Variants in USP34 observed in about 807,000 individuals in gnomAD.
The protein encoded by USP34 is ubiquitin specific peptidase 34, also known as ubiquitin carboxyl-terminal hydrolase 34.
Under a neutral mutation model 460.3 loss-of-function variants are expected in USP34, and 70 were observed. The ratio of observed to expected loss-of-function variants is 0.15; its 90% CI spans 0.13 to 0.19. USP34 has a LOEUF of 0.19. Ranked by LOEUF, USP34 falls within the 10% of genes least tolerant of loss-of-function variation. USP34 has a pLI of 1.00. For missense variants in USP34, 3,985 were observed against 4,236.2 expected (o/e 0.94, Z 1.65); for synonymous variants, 1,647 against 1,405.3 (o/e 1.17, Z -3.85).
At chr2:61,332,281 A>C (rs1043406900) in intron 19 of USP34, among the ~76,000 whole-genome samples, 3 of 152,070 alleles carry the variant, frequency 2.0e-5, no homozygotes, top group Non-Finnish European at 4.4e-5. Flanking sequence ...GCTGCTATAC[A>C]TACTAGACTC....
In USP34 at chr2:61,470,972, G is replaced by GGAGGGGA. The variant is rs1695944242; in HGVS notation, c.-287_-281dup. Among the ~76,000 whole-genome samples the GGAGGGGA allele has an allele frequency of 7.2e-6, 1 of 138,794 alleles. No individual in the cohort carries two copies. The highest frequency in any genetic ancestry group is 2.4e-4 in the East Asian group (1 of 4,240). The allele number at this position is 138,794 out of a possible 152,430, so 91.1% of individuals were successfully genotyped here. A position where few individuals can be genotyped will look rare whatever the true frequency, so the allele number is the denominator to read the frequency against. On this transcript the variant is annotated 5_prime_UTR_variant, in exon 1 of 80. Transcript: ENST00000398571. The stretch of plus-strand genomic sequence containing the variant: ...GCGGGGAAGGGGGGGAAGGACGGGG[G>GGAGGGGA]GAGGGGAGAGGGGGGGAGGGGGCGG...
chr2:61,193,259 A>G, intron 75 of USP34: 1 of 223,150 alleles, frequency 4.5e-6, no homozygotes, highest in Non-Finnish European at 8.7e-6. Flanking sequence ...GGGAAAAGAA[A>G]AAGTTACTGC....
chr2:61,359,192 A>G (rs1412603829), intron 10 of USP34, among the ~76,000 whole-genome samples: 2 of 152,222 alleles, frequency 1.3e-5, no homozygotes, highest in East Asian at 3.8e-4. Flanking sequence ...AAGAAAAAAC[A>G]AAAAGCAACA....
intron 20 of USP34, among the ~76,000 whole-genome samples, chr2:61,330,029 C>T (rs778160): frequency 0.72 from 109,346 of 151,972 alleles, 39,993 homozygotes; most frequent in African/African-American, 0.85. Context: ...GTAGTGTTTG[C>T]GGAAATGTCA....
chr2:61,434,108 C>T (rs982152977), intron 1 of USP34, among the ~76,000 whole-genome samples: 12 of 152,188 alleles, frequency 7.9e-5, no homozygotes, highest in Admixed American at 6.5e-5. Flanking sequence ...GCATGTGATA[C>T]ACCCCAAGGT....
chr2:61,295,595 A>G (rs1245250797), intron 30 of USP34, among the ~76,000 whole-genome samples: 2 of 152,268 alleles, frequency 1.3e-5, no homozygotes, highest in African/African-American at 4.8e-5. Context: ...TGAGTGGGTA[A>G]ACTTCTAAAG....
chr2:61,342,815 A>G (rs1489126044), intron 16 of USP34, among the ~76,000 whole-genome samples: 1 of 152,192 alleles, frequency 6.6e-6, no homozygotes, highest in Non-Finnish European at 1.5e-5. Flanking sequence ...CATTTTGTTC[A>G]ATTTCTAACT....
At chr2:61,444,165 G>A (rs1006467014) in intron 1 of USP34, among the ~76,000 whole-genome samples, 3 of 152,052 alleles carry the variant, frequency 2.0e-5, no homozygotes, top group African/African-American at 7.2e-5. Flanking sequence ...TGAGGTGGGA[G>A]GATCACTTGG....
intron 8 of USP34, among the ~76,000 whole-genome samples, chr2:61,373,016 A>C (rs1236075521): frequency 6.6e-6 from 1 of 152,208 alleles, no homozygotes; most frequent in Non-Finnish European, 1.5e-5. Flanking sequence ...ACACAAGGGA[A>C]CCAGAATAAG....
At position 61,319,321 on chromosome 2, in the gene USP34, C is replaced by G. The variant is rs753539063; in HGVS notation, c.3020G>C (p.Ser1007Thr). The change falls in exon 22 of 80, where the codon AGT becomes ACT. Residue 1007 changes from serine to threonine, a missense_variant. Transcript: ENST00000398571. The stretch of plus-strand genomic sequence containing the variant: ...CCATAAGATGTCAACTTGCTCTAAA[C>G]TTAACCCTAGATAAAAATTATAAAT... ...TLGSPDHFRL[S>T]LEQVDILWHC... The G allele has an allele frequency of 2.6e-6, 4 of 1,536,148 alleles. No individual in the cohort carries two copies. The South Asian group carries it at 3.9e-5, about 15-fold the overall frequency.
At chr2:61,287,043 A>G (rs1689711627) in intron 34 of USP34, among the ~76,000 whole-genome samples, 1 of 152,246 alleles carries the variant, frequency 6.6e-6, no homozygotes, top group Admixed American at 6.5e-5. Context: ...CTAAAGTGGT[A>G]GTTCACAACA....
chr2:61,217,773 T>C (rs1024158708), intron 67 of USP34, among the ~76,000 whole-genome samples: 1 of 152,000 alleles, frequency 6.6e-6, no homozygotes, highest in Admixed American at 6.5e-5. Context: ...ACCAATACGG[T>C]GAAACCCCGT....
At chr2:61,467,404 C>A (rs1695804868) in intron 1 of USP34, among the ~76,000 whole-genome samples, 1 of 152,092 alleles carries the variant, frequency 6.6e-6, no homozygotes, top group Non-Finnish European at 1.5e-5. Flanking sequence ...CCTGCCTCAG[C>A]CTCCTGCCGA....
intron 2 of USP34, among the ~76,000 whole-genome samples, chr2:61,409,875 A>G (rs1431141374): frequency 6.6e-6 from 1 of 152,224 alleles, no homozygotes; most frequent in African/African-American, 2.4e-5. Context: ...CACAAGTTCA[A>G]AAAGGGCTGT....
rs138124225 is a variant in USP34 at position 61,298,274 on chromosome 2, C to T, written c.4129-1349G>A. On this transcript the variant is annotated intron_variant, in intron 29 of 79. Coordinates refer to ENST00000398571, the MANE Select transcript of USP34 (RefSeq NM_014709.4). ...CAGTGGCTCCCACCTGTAATCCTAG[C>T]ACTTTGGGAGGCAGAGGTGGGCGGA... Among the ~76,000 whole-genome samples the T allele has an allele frequency of 3.6e-3, 536 of 146,994 alleles. 2 individuals are homozygous for T. Among genetic ancestry groups the T allele is most frequent in the African/African-American group, 0.011 (447 of 39,760 alleles).
At chr2:61,467,510 AC>A (rs1695809165) in intron 1 of USP34, among the ~76,000 whole-genome samples, 1 of 151,008 alleles carries the variant, frequency 6.6e-6, no homozygotes, top group Non-Finnish European at 1.5e-5. Flanking sequence ...GAAACACACC[AC>A]CCAAAAATAT....
chr2:61,449,667 A>T (rs1234886189), intron 1 of USP34, among the ~76,000 whole-genome samples: 1 of 152,224 alleles, frequency 6.6e-6, no homozygotes, highest in Non-Finnish European at 1.5e-5. Flanking sequence ...AACCCTATAT[A>T]TGTACAGGCA....
intron 5 of USP34, among the ~76,000 whole-genome samples, chr2:61,388,882 A>C (rs10188814): frequency 6.8e-4 from 103 of 152,256 alleles, no homozygotes; most frequent in African/African-American, 2.2e-3. Context: ...CACACATAGA[A>C]GAATGCTGAC....
At chr2:61,346,330 C>G (rs908038536) in intron 15 of USP34, 3 of 132,626 alleles carry the variant, frequency 2.3e-5, no homozygotes, top group Non-Finnish European at 4.8e-5. Flanking sequence ...GCCTGGGCAA[C>G]ATAGCAATAC....
Sources: gnomAD v4.1 joint callset for allele counts (sites outside exome capture counted in the v4.1 genomes callset) on GRCh38, gnomAD v4.1.1 for gene constraint, MANE v1.5 for transcripts, NCBI Gene and HGNC (gene_info 2026-07-23, HGNC 2026-07-21) for gene names.